TFB1M: variants seen among roughly 807,000 people sequenced by gnomAD.
TFB1M encodes the protein dimethyladenosine transferase 1, mitochondrial.
Under a neutral mutation model 31.1 loss-of-function variants are expected in TFB1M, and 27 were observed. The observed-to-expected ratio is 0.87, with a 90% CI of 0.64 to 1.20. TFB1M has a LOEUF of 1.20. Among genes scored for constraint, TFB1M ranks in the 50% most tolerant of loss-of-function variants. The pLI, the probability that TFB1M is intolerant of heterozygous loss-of-function variation, is 0.00. For synonymous variants in TFB1M, 166 were observed against 151.8 expected, an observed-to-expected ratio of 1.09 and a Z score of -0.69; for missense variants, 394 against 418.7, an observed-to-expected ratio of 0.94 and a Z score of 0.51.
intron 2 of TFB1M, among the ~76,000 whole-genome samples, chr6:155,305,182 ATT>A (rs1293358836): frequency 1.3e-3 from 113 of 89,352 alleles, no homozygotes; most frequent in Non-Finnish European, 1.7e-3. Context: ...TTATATATAT[ATT>A]AAATTATATA....
chr6:155,305,043 C>T (rs991774993), intron 2 of TFB1M, among the ~76,000 whole-genome samples: 4 of 142,386 alleles, frequency 2.8e-5, no homozygotes, highest in African/African-American at 5.2e-5. Flanking sequence ...AGAATTAGCT[C>T]AAAATGTATC....
chr6:155,275,642 C>G, intron 5 of TFB1M: 2 of 1,402,878 alleles, frequency 1.4e-6, no homozygotes, highest in Non-Finnish European at 2.0e-6. Context: ...CTCTACTGCA[C>G]AGAAATAGAT....
chr6:155,264,828 G>A (rs979253936), intron 5 of TFB1M, among the ~76,000 whole-genome samples: 3 of 152,124 alleles, frequency 2.0e-5, no homozygotes, highest in African/African-American at 7.2e-5. Context: ...TTATGTAAAT[G>A]TACATATGTA....
At chr6:155,259,126 G>A (rs1042409555) in intron 6 of TFB1M, among the ~76,000 whole-genome samples, 8 of 152,248 alleles carry the variant, frequency 5.3e-5, no homozygotes, top group Middle Eastern at 3.4e-3. Context: ...ACATAGTTTT[G>A]TGCTCCCTCC....
the TFB1M span, among the ~76,000 whole-genome samples, chr6:155,234,869 A>T: frequency 2.0e-5 from 3 of 152,364 alleles, no homozygotes; most frequent in East Asian, 5.8e-4. Context: ...AGCCCTGACC[A>T]CATGGGAGGC....
intron 2 of TFB1M, among the ~76,000 whole-genome samples, chr6:155,303,720 T>C (rs960224218): frequency 6.6e-6 from 1 of 152,214 alleles, no homozygotes; most frequent in Non-Finnish European, 1.5e-5. Flanking sequence ...AATTACCTCA[T>C]ATGTCTCTTA....
intron 1 of TFB1M, 31 bp from the exon 2 acceptor site, chr6:155,311,370 T>C: frequency 6.2e-7 from 1 of 1,600,574 alleles, no homozygotes. Flanking sequence ...GTTATCTCAA[T>C]TAACTTGGCA....
At chr6:155,287,863 C>T (rs967128422) in intron 4 of TFB1M, among the ~76,000 whole-genome samples, 1 of 152,152 alleles carries the variant, frequency 6.6e-6, no homozygotes, top group Non-Finnish European at 1.5e-5. Flanking sequence ...TTCTAACCCT[C>T]TTCTGAATGA....
At chr6:155,286,473 A>ATATATATGTGTGTG (rs1562407466) in intron 4 of TFB1M, among the ~76,000 whole-genome samples, 2 of 145,326 alleles carry the variant, frequency 1.4e-5, no homozygotes, top group South Asian at 2.2e-4. Flanking sequence ...GACAAAATAT[A>ATATATATGTGTGTG]TATATATGTG....
chr6:155,275,947 C>A, intron 5 of TFB1M: 2 of 1,614,180 alleles, frequency 1.2e-6, no homozygotes, highest in Non-Finnish European at 1.7e-6. Flanking sequence ...TCCCCATCCA[C>A]GTGCAGGCTG....
At chr6:155,235,158 C>T in the TFB1M span, among the ~76,000 whole-genome samples, 3 of 152,264 alleles carry the variant, frequency 2.0e-5, no homozygotes, top group Non-Finnish European at 4.4e-5. Flanking sequence ...CATGGTAAAG[C>T]TGCAATGCTG....
At chr6:155,258,346 G>C (rs1784215452) in intron 6 of TFB1M, among the ~76,000 whole-genome samples, 1 of 151,044 alleles carries the variant, frequency 6.6e-6, no homozygotes, top group Non-Finnish European at 1.5e-5. Flanking sequence ...CTTTTTAAAG[G>C]TAAGTAAGTA....
downstream of TFB1M, chr6:155,254,715 T>C: frequency 1.9e-6 from 2 of 1,058,114 alleles, no homozygotes; most frequent in South Asian, 1.8e-5. Context: ...AACCTAAACA[T>C]GCCTCTTGCT....
downstream of TFB1M, chr6:155,253,828 A>G: frequency 1.6e-6 from 1 of 608,122 alleles, no homozygotes; most frequent in Non-Finnish European, 2.9e-6. Flanking sequence ...TGAAAATCAT[A>G]CATAGAACAA....
intron 2 of TFB1M, among the ~76,000 whole-genome samples, chr6:155,302,669 T>A (rs1351673469): frequency 6.6e-6 from 1 of 152,236 alleles, no homozygotes; most frequent in Non-Finnish European, 1.5e-5. Context: ...ACTACAAATA[T>A]CTAAAATTAT....
the TFB1M span, among the ~76,000 whole-genome samples, chr6:155,238,213 C>T: frequency 1.3e-5 from 2 of 152,216 alleles, no homozygotes; most frequent in South Asian, 2.1e-4. Context: ...TAAAACATAA[C>T]AAGGGTCAGC....
At chr6:155,266,556 A>C (rs1784640399) in intron 5 of TFB1M, among the ~76,000 whole-genome samples, 1 of 152,124 alleles carries the variant, frequency 6.6e-6, no homozygotes, top group Non-Finnish European at 1.5e-5. Context: ...GTTAAGAATG[A>C]CCAAATGAGG....
intron 1 of TFB1M, 151 bp from the exon 2 acceptor site, chr6:155,311,490 C>T: frequency 1.4e-6 from 1 of 716,518 alleles, no homozygotes; most frequent in Non-Finnish European, 2.4e-6. Flanking sequence ...AACTCTCTAC[C>T]TAAATTAACA....
At chr6:155,263,598 C>A (rs977524368) in intron 5 of TFB1M, among the ~76,000 whole-genome samples, 4 of 152,100 alleles carry the variant, frequency 2.6e-5, no homozygotes, top group African/African-American at 7.2e-5. Flanking sequence ...CAGCTCAGAG[C>A]AGCACTTGGA....
Sources: allele counts gnomAD v4.1 joint callset (sites outside exome capture counted in the v4.1 genomes callset), GRCh38; gene constraint gnomAD v4.1.1; transcripts MANE v1.5; gene names NCBI Gene and HGNC (gene_info 2026-07-23, HGNC 2026-07-21).